SLC22A4: variants seen among roughly 807,000 people sequenced by gnomAD.
SLC22A4 encodes solute carrier family 22 member 4.
Under a neutral mutation model 56.6 loss-of-function variants are expected in SLC22A4, and 39 were observed. The ratio of observed to expected loss-of-function variants is 0.69; its 90% confidence interval spans 0.53 to 0.90. The LOEUF (loss-of-function observed/expected upper bound fraction) is 0.90. Among genes scored for constraint, SLC22A4 ranks in the 40% least tolerant of loss-of-function variants. SLC22A4 has a pLI of 0.00. For synonymous variants in SLC22A4, 241 were observed against 281.4 expected, an observed-to-expected ratio of 0.86 and a Z score of 1.44; for missense variants, 594 against 696.5, an observed-to-expected ratio of 0.85 and a Z score of 1.66.
At chr5:132,337,358 A>G (rs541813231) in intron 8 of SLC22A4, among the ~76,000 whole-genome samples, 1 of 145,388 alleles carries the variant, frequency 6.9e-6, no homozygotes, top group East Asian at 2.0e-4. Flanking sequence ...CTGCAGCCTC[A>G]ATCCCCCAGG....
At chr5:132,333,419 G>A (rs1750923182) in intron 6 of SLC22A4, among the ~76,000 whole-genome samples, 1 of 152,250 alleles carries the variant, frequency 6.6e-6, no homozygotes, top group South Asian at 2.1e-4. Flanking sequence ...ACGCGAGCAG[G>A]TGAGGGATCA....
At chr5:132,314,099 G>A (rs1268459037) in intron 3 of SLC22A4, among the ~76,000 whole-genome samples, 4 of 152,228 alleles carry the variant, frequency 2.6e-5, no homozygotes, top group African/African-American at 9.6e-5. Context: ...GCCTGAGGAT[G>A]TCTTTGATCT....
chr5:132,319,436 T>C (rs1430667399), intron 3 of SLC22A4, among the ~76,000 whole-genome samples: 1 of 152,150 alleles, frequency 6.6e-6, no homozygotes, highest in Non-Finnish European at 1.5e-5. Flanking sequence ...ATGCCCCCAG[T>C]AATTTTTTTC....
intron 1 of SLC22A4, among the ~76,000 whole-genome samples, chr5:132,297,632 G>A (rs1039024596): frequency 1.3e-5 from 2 of 151,850 alleles, no homozygotes; most frequent in African/African-American, 4.8e-5. Flanking sequence ...AAAATCATAA[G>A]GAGGTACCAC....
At chr5:132,326,256 G>A (rs185316550) in intron 4 of SLC22A4, among the ~76,000 whole-genome samples, 2 of 152,190 alleles carry the variant, frequency 1.3e-5, no homozygotes, top group Admixed American at 1.3e-4. Context: ...AGCTCAGCCT[G>A]ACCTACCTTA....
At chr5:132,299,278 G>A (rs1048127676) in intron 1 of SLC22A4, among the ~76,000 whole-genome samples, 2 of 152,184 alleles carry the variant, frequency 1.3e-5, no homozygotes, top group Admixed American at 6.5e-5. Flanking sequence ...TGGGGTTTGC[G>A]TGAGTGCATT....
intron 3 of SLC22A4, among the ~76,000 whole-genome samples, chr5:132,319,608 T>C (rs1024225469): frequency 1.3e-5 from 2 of 152,236 alleles, no homozygotes; most frequent in African/African-American, 4.8e-5. Flanking sequence ...TTGTTTTTGT[T>C]TGAGATGGAG....
chr5:132,312,155 T>C lies in SLC22A4; in HGVS notation c.394-6T>C. On this transcript the variant is annotated splice_region_variant and splice_polypyrimidine_tract_variant and intron_variant, in intron 1 of 9. Transcript: ENST00000200652. ...GGCTCACGCTTCATGCTGTCTTCCT[T>C]GGCAGTGGAATCTGGTGTGTGAGGA... 6.3e-7 allele frequency: 1 copy of C among 1,584,496 alleles called. No homozygotes were observed. Among genetic ancestry groups the C allele is most frequent in the Non-Finnish European group, 8.7e-7 (1 of 1,152,980 alleles).
At chr5:132,340,071 T>G (rs1442502571) in intron 8 of SLC22A4, among the ~76,000 whole-genome samples, 7 of 145,296 alleles carry the variant, frequency 4.8e-5, no homozygotes, top group South Asian at 2.3e-4. Flanking sequence ...TTGTTTTTTT[T>G]TTTTTTTTTT....
intron 1 of SLC22A4, among the ~76,000 whole-genome samples, chr5:132,306,275 C>T (rs1172167322): frequency 6.6e-6 from 1 of 150,560 alleles, no homozygotes; most frequent in African/African-American, 2.4e-5. Flanking sequence ...AAATGTTGTA[C>T]ATGAATGTTC....
intron 8 of SLC22A4, among the ~76,000 whole-genome samples, chr5:132,336,436 A>G (rs1379726707): frequency 6.6e-6 from 1 of 152,158 alleles, no homozygotes; most frequent in Non-Finnish European, 1.5e-5. Flanking sequence ...AGGTAGGAGA[A>G]TTGCTTGAAC....
At chr5:132,335,684 G>T (rs1750999847) in intron 7 of SLC22A4, 134 bp from the exon 8 acceptor site, 5 of 784,704 alleles carry the variant, frequency 6.4e-6, no homozygotes, top group Admixed American at 5.9e-5. Context: ...CATTTGAAGA[G>T]AAAATGCTAT....
chr5:132,296,395 T>A (rs1353468413), intron 1 of SLC22A4, among the ~76,000 whole-genome samples: 1 of 152,224 alleles, frequency 6.6e-6, no homozygotes, highest in East Asian at 1.9e-4. Flanking sequence ...ATAGTAAGCA[T>A]TCTAAGGCCA....
intron 8 of SLC22A4, 41 bp from the exon 9 acceptor site, chr5:132,340,524 C>T: frequency 6.2e-7 from 1 of 1,600,336 alleles, no homozygotes; most frequent in Non-Finnish European, 8.6e-7. Context: ...CCCAGAGAGT[C>T]CTCCTATCTG....
intron 3 of SLC22A4, among the ~76,000 whole-genome samples, 182 bp from the exon 4 acceptor site, chr5:132,322,001 TG>T (rs1463515318): frequency 6.6e-6 from 1 of 152,192 alleles, no homozygotes; most frequent in African/African-American, 2.4e-5. Flanking sequence ...TTCTATAAGT[TG>T]CCAAGTCTTG....
chr5:132,319,295 C>A, intron 3 of SLC22A4, among the ~76,000 whole-genome samples: 1 of 133,630 alleles, frequency 7.5e-6, no homozygotes, highest in Non-Finnish European at 1.5e-5. Context: ...GAGCACAAGT[C>A]TGTCTCAAAA....
At chr5:132,309,591 T>G (rs1174596862) in intron 1 of SLC22A4, among the ~76,000 whole-genome samples, 1 of 152,268 alleles carries the variant, frequency 6.6e-6, no homozygotes, top group Non-Finnish European at 1.5e-5. Flanking sequence ...CTCCTGCATC[T>G]GCTTCATTTC....
chr5:132,322,120 A>C, intron 3 of SLC22A4, 64 bp from the exon 4 acceptor site: 1 of 1,428,616 alleles, frequency 7.0e-7, no homozygotes, highest in Non-Finnish European at 9.8e-7. Context: ...CTGCCACATA[A>C]TGATATAAAA....
At chr5:132,315,534 GA>G (rs1194091090) in intron 3 of SLC22A4, among the ~76,000 whole-genome samples, 6 of 152,148 alleles carry the variant, frequency 3.9e-5, no homozygotes, top group Admixed American at 2.0e-4. Context: ...CTTCCTACAG[GA>G]AAGGGCTGCC....
Sources: allele counts gnomAD v4.1 joint callset (sites outside exome capture counted in the v4.1 genomes callset), GRCh38; gene constraint gnomAD v4.1.1; transcripts MANE v1.5; gene names NCBI Gene and HGNC (gene_info 2026-07-23, HGNC 2026-07-21).